The following SYNE1 variants were observed in gnomAD, a reference collection of about 807,000 sequenced individuals.
The protein encoded by SYNE1 is nesprin-1.
A neutral mutation model predicts 1,111.0 loss-of-function variants in SYNE1; 616 were observed. That is an observed-to-expected ratio of 0.55 (90% CI 0.52 to 0.59). SYNE1 has a LOEUF of 0.59. Among genes scored for constraint, SYNE1 ranks in the 20% least tolerant of loss-of-function variants. The probability of loss-of-function intolerance (pLI) is 0.00; values close to 1 mark genes in which losing one functional copy is unlikely to be tolerated. For synonymous variants in SYNE1, 3,855 were observed against 3,825.8 expected, an observed-to-expected ratio of 1.01 and a Z score of -0.28; for missense variants, 10,006 against 10,417.0, an observed-to-expected ratio of 0.96 and a Z score of 1.72.
Position 152,511,657 on chromosome 6 carries a change from T to C in SYNE1, c.310-554A>G. ...AAATCATCTTTCAAAATCAGCATTA[T>C]TTGTTCAAAGGGAATAAAGAGGTAG... On this transcript the variant is annotated intron_variant, in intron 6 of 145. Transcript: ENST00000367255. 2.0e-6 allele frequency: 3 copies of C among 1,531,292 alleles called. No homozygotes were observed. The South Asian group carries it at 3.4e-5, about 17-fold the overall frequency. The allele number at this position is 1,531,292 out of a possible 1,614,324, so 94.9% of individuals were successfully genotyped here.
Position 152,278,137 on chromosome 6 carries a change from G to C in SYNE1, c.18525C>G (p.Ser6175Arg). ...GCAGGGCTCTCTGCAGCTCCAGCAG[G>C]CTCCCCTTGAGCCTTCTCAGCTTTC... ...LAGKLRRLKG[S>R]LLELQRALHD... is the part of the protein sequence containing the mutation. The change falls in exon 98 of 146, where the codon AGC becomes AGG. Residue 6175 changes from serine (S) to arginine (R), a missense_variant. Coordinates refer to ENST00000367255, the MANE Select transcript of SYNE1 (RefSeq NM_182961.4). The C allele has an allele frequency of 6.2e-7, 1 of 1,614,044 alleles. No homozygotes were observed. The highest frequency in any genetic ancestry group is 8.5e-7 in the Non-Finnish European group (1 of 1,180,032).
At chr6:152,429,564 TTTTG>T (rs1162020724) in intron 36 of SYNE1, among the ~76,000 whole-genome samples, 5 of 152,188 alleles carry the variant, frequency 3.3e-5, no homozygotes, top group Non-Finnish European at 7.3e-5. Flanking sequence ...ATATTTGTAT[TTTTG>T]TTTATTAATT....
chr6:152,483,547 T>C (rs1405216075), intron 13 of SYNE1, among the ~76,000 whole-genome samples: 1 of 152,136 alleles, frequency 6.6e-6, no homozygotes, highest in Non-Finnish European at 1.5e-5. Flanking sequence ...ACCCACTGAT[T>C]TTCAGTGTGG....
Position 152,220,936 on chromosome 6 carries a change from T to C in SYNE1, c.21767A>G (p.Gln7256Arg), listed in dbSNP as rs770047279. 2.5e-6 allele frequency: 4 copies of C among 1,614,204 alleles called. No homozygotes were observed. In the South Asian group the frequency reaches 4.4e-5, roughly 18 times the overall value. ...CTCATTGGTTCGATCCTCCTGCTGC[T>C]GAACTGTCGAAGCACACTGTTTGGA... ...DYSKQCASTVQQQEDRTNELL... is the reference protein window; with the variant it reads ...DYSKQCASTVRQQEDRTNELL... Residue 7256 changes from glutamine to arginine, a missense_variant, in exon 119 of 146, where the codon CAG becomes CGG. Transcript: ENST00000367255.
chr6:152,354,202 A>G (rs1012278785), intron 67 of SYNE1, among the ~76,000 whole-genome samples: 2 of 152,202 alleles, frequency 1.3e-5, no homozygotes, highest in African/African-American at 4.8e-5. Context: ...TAGACCTCCT[A>G]TTGTACCTAG....
intron 117 of SYNE1, among the ~76,000 whole-genome samples, chr6:152,223,565 C>T (rs2080742367): frequency 1.3e-5 from 2 of 151,908 alleles, no homozygotes; most frequent in Admixed American, 1.3e-4. Flanking sequence ...TTGCAGTGAG[C>T]CGAGATAGCA....
intron 116 of SYNE1, 86 bp from the exon 117 acceptor site, chr6:152,224,750 T>C: frequency 7.5e-7 from 1 of 1,340,896 alleles, no homozygotes; most frequent in Non-Finnish European, 1.1e-6. Context: ...AATATTAACA[T>C]CTAAGAACTT....
intron 56 of SYNE1, chr6:152,380,571 G>C (rs1286173046): frequency 4.8e-6 from 1 of 206,718 alleles, no homozygotes; most frequent in East Asian, 1.3e-4. Context: ...ATAACTATTT[G>C]CTGTGCTGTA....
chr6:152,303,067 A>G (rs2095253027), intron 91 of SYNE1, among the ~76,000 whole-genome samples: 1 of 151,562 alleles, frequency 6.6e-6, no homozygotes, highest in Admixed American at 6.6e-5. Flanking sequence ...ATATTTCAAA[A>G]CATGATTCCT....
At chr6:152,537,676 T>C (rs1410485519) in intron 4 of SYNE1, among the ~76,000 whole-genome samples, 1 of 152,128 alleles carries the variant, frequency 6.6e-6, no homozygotes, top group African/African-American at 2.4e-5. Context: ...AAAATTCCTA[T>C]TAAAAAGTGC....
chr6:152,635,485 A>G (rs2099704543), intron 2 of SYNE1, among the ~76,000 whole-genome samples: 1 of 152,228 alleles, frequency 6.6e-6, no homozygotes, highest in Admixed American at 6.5e-5. Flanking sequence ...TAGCCATACT[A>G]CAAATCTTTT....
chr6:152,398,843 C>A, intron 48 of SYNE1, 112 bp from the exon 49 acceptor site: 1 of 718,916 alleles, frequency 1.4e-6, no homozygotes. Context: ...TAGCTCATCT[C>A]CTCTTGCCTT....
At chr6:152,197,087 C>G (rs1457075470) in intron 127 of SYNE1, among the ~76,000 whole-genome samples, 1 of 152,178 alleles carries the variant, frequency 6.6e-6, no homozygotes, top group Non-Finnish European at 1.5e-5. Context: ...GCTCTCCTTC[C>G]TCGATATGCA....
intron 3 of SYNE1, among the ~76,000 whole-genome samples, chr6:152,559,564 C>A (rs2099387911): frequency 6.6e-6 from 1 of 151,698 alleles, no homozygotes; most frequent in African/African-American, 2.4e-5. Flanking sequence ...AAAAGGGAAA[C>A]CAAAAAATAT....
intron 3 of SYNE1, among the ~76,000 whole-genome samples, chr6:152,562,932 T>C (rs1344741502): frequency 6.6e-6 from 1 of 152,192 alleles, no homozygotes; most frequent in East Asian, 1.9e-4. Context: ...CCACTAGTTT[T>C]AGGTTCAGAT....
chr6:152,635,823 T>C (rs1392010142), intron 2 of SYNE1, among the ~76,000 whole-genome samples: 1 of 152,218 alleles, frequency 6.6e-6, no homozygotes, highest in Non-Finnish European at 1.5e-5. Context: ...TAAGGCTTCA[T>C]TGCTGATATT....
intron 6 of SYNE1, among the ~76,000 whole-genome samples, chr6:152,512,655 T>C (rs1241322172): frequency 6.6e-6 from 1 of 152,210 alleles, no homozygotes; most frequent in Non-Finnish European, 1.5e-5. Context: ...AAATTGTACA[T>C]TGTTAACATA....
Position 152,413,430 on chromosome 6 carries a change from G to A in SYNE1, c.6152C>T (p.Ala2051Val), listed in dbSNP as rs1383595437. ...KAKQIAQKDV[A>V]FAPEVDREIN... Reference sequence around the variant, plus strand: ...CTCCCTGTCAACTTCAGGTGCAAAAGCTACATCTTTCTGGGCAATTTGCTT... The same window carrying A: ...CTCCCTGTCAACTTCAGGTGCAAAAACTACATCTTTCTGGGCAATTTGCTT... The change falls in exon 42 of 146, where the codon GCT becomes GTT. Residue 2051 changes from alanine to valine, a missense_variant. Ala to Val is a moderately conservative substitution (Grantham distance 64). Around this residue, in one of 7 missense-constraint regions of SYNE1, gnomAD observed 4,955 missense variants for 5,017.2 expected, o/e 0.99. Coordinates refer to ENST00000367255, the MANE Select transcript of SYNE1 (RefSeq NM_182961.4). The A allele has an allele frequency of 6.2e-7, 1 of 1,614,142 alleles. No individual in the cohort carries two copies. The highest frequency in any genetic ancestry group is 8.5e-7 in the Non-Finnish European group (1 of 1,180,016).
At chr6:152,194,522 T>TGGATATTGTTCTATA (rs1158615921) in intron 127 of SYNE1, among the ~76,000 whole-genome samples, 1 of 152,238 alleles carries the variant, frequency 6.6e-6, no homozygotes, top group Non-Finnish European at 1.5e-5. Flanking sequence ...TCTATAACCT[T>TGGATATTGTTCTATA]CTTGTACTTG....
Sources: allele counts gnomAD v4.1 joint callset (sites outside exome capture counted in the v4.1 genomes callset), GRCh38; gene constraint gnomAD v4.1.1; regional missense constraint gnomAD v4.1.1; transcripts MANE v1.5; gene names NCBI Gene and HGNC (gene_info 2026-07-23, HGNC 2026-07-21).